Variants in REEP1 observed in about 807,000 individuals in gnomAD.
REEP1 encodes receptor expression-enhancing protein 1.
Under a neutral mutation model 40.3 loss-of-function variants are expected in REEP1, and 22 were observed. The ratio of observed to expected loss-of-function variants is 0.55; its 90% CI spans 0.39 to 0.78. The LOEUF (loss-of-function observed/expected upper bound fraction) is 0.78. Ranked by LOEUF, REEP1 falls within the 30% of genes least tolerant of loss-of-function variation. The pLI, the probability that REEP1 is intolerant of heterozygous loss-of-function variation, is 0.00. For synonymous variants in REEP1, 116 were observed against 139.2 expected (o/e 0.83, Z 1.17); for missense variants, 280 against 361.1 (o/e 0.78, Z 1.82).
At chr2:86,303,727 G>A (rs1679360423) in intron 1 of REEP1, among the ~76,000 whole-genome samples, 1 of 152,154 alleles carries the variant, frequency 6.6e-6, no homozygotes, top group South Asian at 2.1e-4. Flanking sequence ...ATCTTGAAAG[G>A]TGAGCAGGGA....
rs983704059 is a variant in REEP1 at position 86,282,861 on chromosome 2, G to A, written c.33-619C>T. Among the ~76,000 whole-genome samples the A allele has an allele frequency of 3.9e-5, 6 of 152,230 alleles. 1 individual carries two copies. The highest frequency in any genetic ancestry group is 2.6e-4 in the Admixed American group (4 of 15,290). ...CTCACTGATCTATGCTCAGGGCTGC[G>A]TTGGGTCACTAAATGATCTTGTGCT... is the stretch of plus-strand genomic sequence containing the variant. On this transcript the variant is annotated intron_variant, in intron 1 of 8. Transcript: ENST00000538924.
At chr2:86,266,967 A>G (rs1009488855) in intron 2 of REEP1, among the ~76,000 whole-genome samples, 4 of 151,634 alleles carry the variant, frequency 2.6e-5, no homozygotes, top group Non-Finnish European at 2.9e-5. Flanking sequence ...AGATTGGGCT[A>G]CTGCACTCCA....
intron 3 of REEP1, among the ~76,000 whole-genome samples, chr2:86,263,585 T>G (rs1268969390): frequency 6.6e-6 from 1 of 152,204 alleles, no homozygotes; most frequent in Non-Finnish European, 1.5e-5. Context: ...GTAGTGATTA[T>G]GTTGACCATG....
chr2:86,241,326 G>A (rs1675655307), intron 5 of REEP1, among the ~76,000 whole-genome samples: 1 of 152,250 alleles, frequency 6.6e-6, no homozygotes, highest in South Asian at 2.1e-4. Context: ...TTATACTGGT[G>A]TGCAAACATG....
chr2:86,309,395 G>A (rs1389355728), intron 1 of REEP1, among the ~76,000 whole-genome samples: 2 of 152,234 alleles, frequency 1.3e-5, no homozygotes, highest in Admixed American at 1.3e-4. Flanking sequence ...GACCAACTTT[G>A]AAAGAAATCA....
chr2:86,254,606 A>C, intron 4 of REEP1, 88 bp downstream of exon 4: 8 of 1,415,264 alleles, frequency 5.7e-6, no homozygotes, highest in Non-Finnish European at 6.9e-6. Flanking sequence ...CCAAATGAGA[A>C]GTCTCCTGCA....
intron 1 of REEP1, among the ~76,000 whole-genome samples, chr2:86,310,703 C>T (rs1407234663): frequency 2.3e-5 from 3 of 131,318 alleles, no homozygotes; most frequent in Non-Finnish European, 4.9e-5. Flanking sequence ...CTCTCTCCTC[C>T]CCTTTCTCTC....
At chr2:86,260,735 T>C (rs79599488) in intron 3 of REEP1, among the ~76,000 whole-genome samples, 5,522 of 152,260 alleles carry the variant, frequency 0.036, 218 homozygotes, top group East Asian at 0.22. Context: ...GCCAACAACC[T>C]GAATGGGCCT....
intron 1 of REEP1, among the ~76,000 whole-genome samples, chr2:86,327,593 G>T (rs1299394597): frequency 2.0e-5 from 3 of 151,016 alleles, no homozygotes; most frequent in Non-Finnish European, 4.4e-5. Flanking sequence ...TTGGAGATGG[G>T]GCCTCGCTCT....
chr2:86,252,636 T>C (rs563559426), intron 4 of REEP1, among the ~76,000 whole-genome samples: 30 of 152,236 alleles, frequency 2.0e-4, no homozygotes, highest in Non-Finnish European at 3.4e-4. Flanking sequence ...TCATCTTCCT[T>C]ATCTTGACAG....
chr2:86,218,369 G>A (rs1197799835), intron 8 of REEP1, among the ~76,000 whole-genome samples: 1 of 152,180 alleles, frequency 6.6e-6, no homozygotes, highest in Non-Finnish European at 1.5e-5. Context: ...CCATTTCCTG[G>A]TAAGTGGCTC....
chr2:86,272,208 G>A lies in REEP1; in HGVS notation c.106-8167C>T, dbSNP rs1386011753. On this transcript the variant is annotated intron_variant, in intron 2 of 8. Transcript: ENST00000538924. The stretch of plus-strand genomic sequence containing the variant: ...CTGCACTCCAGCCTGGGCAACAAGA[G>A]TGAAACTCCATCTCAGAAAATTTTT... Among the ~76,000 whole-genome samples, 4 of 152,206 alleles carry A rather than the reference G, an allele frequency of 2.6e-5. No homozygotes were observed. The East Asian group carries it at 5.8e-4, about 22-fold the overall frequency.
intron 1 of REEP1, among the ~76,000 whole-genome samples, chr2:86,334,392 G>GT (rs1005174386): frequency 2.0e-5 from 3 of 152,118 alleles, no homozygotes; most frequent in Non-Finnish European, 4.4e-5. Context: ...TATACAAAAC[G>GT]TGACTCGCGG....
rs1033137045 is a variant in REEP1 at position 86,215,634 on chromosome 2, G to A, written c.*1405C>T. 6.6e-6 allele frequency: 1 copy of A among 152,440 alleles called. No homozygotes were observed. Among genetic ancestry groups the A allele is most frequent in the African/African-American group, 2.4e-5 (1 of 41,374 alleles). 9.4% of individuals were successfully genotyped at this position (152,440 alleles called of 1,614,324 possible). A position where few individuals can be genotyped will look rare whatever the true frequency, so the allele number is the denominator to read the frequency against. On this transcript the variant is annotated 3_prime_UTR_variant, in exon 9 of 9. Coordinates refer to ENST00000538924, the MANE Select transcript of REEP1 (RefSeq NM_001371279.1). ...CACAAATATATTATTCTTATATTTC[G>A]GCTCAGCTCTCAGTGGGGAGAGCAG...
At chr2:86,219,385 T>C (rs978601313) in intron 8 of REEP1, among the ~76,000 whole-genome samples, 2 of 151,980 alleles carry the variant, frequency 1.3e-5, no homozygotes, top group African/African-American at 4.8e-5. Flanking sequence ...TGTTAATACC[T>C]GGAAAAACCA....
intron 1 of REEP1, among the ~76,000 whole-genome samples, chr2:86,328,389 G>A (rs1250760624): frequency 6.6e-6 from 1 of 152,204 alleles, no homozygotes; most frequent in Non-Finnish European, 1.5e-5. Flanking sequence ...ATCTGTGAAA[G>A]TAAGAAAGGA....
At chr2:86,318,390 C>A (rs1415645329) in intron 1 of REEP1, among the ~76,000 whole-genome samples, 1 of 128,476 alleles carries the variant, frequency 7.8e-6, no homozygotes. Context: ...GTTTTCTTTT[C>A]TTTTCTTTTC....
In REEP1 at chr2:86,216,273, G is replaced by A. The variant is rs2103939392; in HGVS notation, c.*766C>T. The A allele has an allele frequency of 6.6e-6, 1 of 152,340 alleles. No homozygotes were observed. The highest frequency in any genetic ancestry group is 1.9e-4 in the East Asian group (1 of 5,190). The allele number at this position is 152,340 out of a possible 1,614,324, so 9.4% of individuals were successfully genotyped here. ...AATCCAGAATCCAGGGAGGAGATGA[G>A]CTTCCTGTGACTCTTCTCTTTTACT... On this transcript the variant is annotated 3_prime_UTR_variant, in exon 9 of 9. Coordinates refer to ENST00000538924, the MANE Select transcript of REEP1 (RefSeq NM_001371279.1).
chr2:86,281,316 C>T (rs1248169350), intron 2 of REEP1, among the ~76,000 whole-genome samples: 1 of 152,194 alleles, frequency 6.6e-6, no homozygotes, highest in African/African-American at 2.4e-5. Flanking sequence ...TATGTGCTCA[C>T]CTTCTGCAAT....
Sources: allele counts gnomAD v4.1 joint callset (sites outside exome capture counted in the v4.1 genomes callset), GRCh38; gene constraint gnomAD v4.1.1; transcripts MANE v1.5; gene names NCBI Gene and HGNC (gene_info 2026-07-23, HGNC 2026-07-21).